The following FCRL2 variants were observed in gnomAD, a reference collection of about 807,000 sequenced individuals.
The protein encoded by FCRL2 is Fc receptor like 2.
Under a neutral mutation model 59.8 loss-of-function variants are expected in FCRL2, and 48 were observed. The observed-to-expected ratio is 0.80, with a 90% CI of 0.64 to 1.02. The LOEUF is 1.02. Among genes scored for constraint, FCRL2 ranks in the 50% least tolerant of loss-of-function variants. The probability of loss-of-function intolerance (pLI) is 0.00; values close to 1 mark genes in which losing one functional copy is unlikely to be tolerated. For missense variants in FCRL2, 658 were observed against 597.3 expected, an observed-to-expected ratio of 1.10 and a Z score of -1.06; for synonymous variants, 251 against 229.5, an observed-to-expected ratio of 1.09 and a Z score of -0.85.
chr1:157,770,646 G>T lies in FCRL2; in HGVS notation c.73C>A (p.Pro25Thr). 6.2e-7 allele frequency: 1 copy of T among 1,614,182 alleles called. No individual in the cohort carries two copies. Among genetic ancestry groups the T allele is most frequent in the Non-Finnish European group, 8.5e-7 (1 of 1,180,020 alleles). Reference sequence around the variant, plus strand: ...CTGTCTCCTTCGAAGACAGAAGAGGGCGCCACAAGGGTCAGCGAATCTGGA... The same window carrying T: ...CTGTCTCCTTCGAAGACAGAAGAGGTCGCCACAAGGGTCAGCGAATCTGGA... The part of the protein sequence containing the change: ...EQADSLTLVA[P>T]SSVFEGDSIV... The change falls in exon 3 of 12, where the codon CCC becomes ACC. Residue 25 changes from proline (P) to threonine (T), a missense_variant. By Grantham distance (38) the Pro-to-Thr change is conservative. Coordinates refer to ENST00000361516, the MANE Select transcript of FCRL2 (RefSeq NM_030764.4).
In FCRL2 at chr1:157,770,592, T is replaced by G. The variant is rs1222855214; in HGVS notation, c.127A>C (p.Asn43His). ...TAAGCCATCTTCTGAATTTTCCAGT[T>G]CTGTTCTCCCTGGCATTTCAGAACG... ...SIVLKCQGEQ[N>H]WKIQKMAYHK... Residue 43 changes from asparagine to histidine, a missense_variant, in exon 3 of 12, where the codon AAC (asparagine) becomes CAC (histidine). By Grantham distance (68) the Asn-to-His change is moderately conservative. Transcript: ENST00000361516. The G allele has an allele frequency of 6.2e-7, 1 of 1,614,154 alleles. No homozygotes were observed. The highest frequency in any genetic ancestry group is 1.7e-5 in the Admixed American group (1 of 60,026).
intron 2 of FCRL2, among the ~76,000 whole-genome samples, chr1:157,771,275 G>A (rs773104181): frequency 6.6e-6 from 1 of 151,952 alleles, no homozygotes; most frequent in Non-Finnish European, 1.5e-5. Flanking sequence ...CTTCTCCATC[G>A]GTGACACCAC....
At chr1:157,766,713 C>T (rs1000764219) in intron 7 of FCRL2, 142 bp downstream of exon 7, 2 of 1,375,296 alleles carry the variant, frequency 1.5e-6, no homozygotes, top group African/African-American at 2.9e-5. Flanking sequence ...TTGCACAGAG[C>T]CTTGCAGAAT....
rs770839648 is a variant in FCRL2, at chr1:157,770,670, G to C, written c.53-4C>G. 6.2e-7 allele frequency: 1 copy of C among 1,613,862 alleles called. No individual in the cohort carries two copies. Among genetic ancestry groups the C allele is most frequent in the Non-Finnish European group, 8.5e-7 (1 of 1,179,870 alleles). ...GGCGCCACAAGGGTCAGCGAATCTG[G>C]AAGAGAAGGAGGGAAACCGGATTTG... On this transcript the variant is annotated splice_region_variant and splice_polypyrimidine_tract_variant and intron_variant, in intron 2 of 11. Transcript: ENST00000361516.
rs563461065 is a variant in FCRL2 at position 157,768,130 on chromosome 1, C to G, written c.883+284G>C. On this transcript the variant is annotated intron_variant, in intron 5 of 11. Transcript: ENST00000361516. Reference sequence around the variant, plus strand: ...ATGAACCTTTTAGATCCATGACACTCCCTGGCCCAGAGCCCAAAGGTTTCA... The same window carrying G: ...ATGAACCTTTTAGATCCATGACACTGCCTGGCCCAGAGCCCAAAGGTTTCA... The G allele has an allele frequency of 5.0e-5, 18 of 360,896 alleles. No homozygotes were observed. In the South Asian group the frequency reaches 7.8e-4, roughly 16 times the overall value. The allele number at this position is 360,896 out of a possible 1,614,324, so 22.4% of individuals were successfully genotyped here.
chr1:157,750,911 A>C (rs188119551), intron 7 of FCRL2, among the ~76,000 whole-genome samples: 1 of 152,350 alleles, frequency 6.6e-6, no homozygotes, highest in East Asian at 1.9e-4. Flanking sequence ...TTCACAAAGA[A>C]AACCTCCAAA....
chr1:157,760,626 AAAAG>A (rs1043411026), intron 7 of FCRL2, among the ~76,000 whole-genome samples: 3 of 150,528 alleles, frequency 2.0e-5, no homozygotes, highest in African/African-American at 4.9e-5. Flanking sequence ...GACTTTGTCA[AAAAG>A]AAAGAAAGAA....
In FCRL2 at chr1:157,766,700, G is replaced by A. The variant is rs1649520590; in HGVS notation, c.1279+155C>T. ...ATAATTAGCAGTATGACCACATTGA[G>A]CATTGCACAGAGCCTTGCAGAATTA... On this transcript the variant is annotated intron_variant, in intron 7 of 11. Transcript: ENST00000361516. 6 of 1,206,802 alleles carry A rather than the reference G, an allele frequency of 5.0e-6. No individual in the cohort carries two copies. The South Asian group carries it at 9.7e-5, about 20-fold the overall frequency. 74.8% of individuals were successfully genotyped at this position (1,206,802 alleles called of 1,614,324 possible). A position where few individuals can be genotyped will look rare whatever the true frequency, so the allele number is the denominator to read the frequency against.
chr1:157,768,361 T>C (rs1449110225), intron 5 of FCRL2, 53 bp downstream of exon 5: 2 of 1,572,652 alleles, frequency 1.3e-6, no homozygotes, highest in Non-Finnish European at 1.7e-6. Flanking sequence ...CACATGTGTA[T>C]CATGACCTTG....
Position 157,766,850 on chromosome 1 carries a change from A to G in FCRL2, c.1279+5T>C. The G allele has an allele frequency of 6.2e-7, 1 of 1,614,212 alleles. No homozygotes were observed. Among genetic ancestry groups the G allele is most frequent in the East Asian group, 2.2e-5 (1 of 44,878 alleles). The stretch of plus-strand genomic sequence containing the variant: ...AATATGGAGAATCCAAATGGTAGAT[A>G]CAACCTGATATCTTGTGGAACAAGG... On this transcript the variant is annotated splice_donor_5th_base_variant and intron_variant, in intron 7 of 11. Transcript: ENST00000361516.
At chr1:157,748,786 G>A (rs1280404528) in intron 9 of FCRL2, 89 bp downstream of exon 9, 1 of 1,312,282 alleles carries the variant, frequency 7.6e-7, no homozygotes, top group Non-Finnish European at 1.1e-6. Flanking sequence ...GTGTTGGGGT[G>A]TCTACACCAC....
In FCRL2 at chr1:157,751,842, G is replaced by T. The variant is rs180743752; in HGVS notation, c.1280-2165C>A. ...GGTAGGTAATGTTAATAGTTGGGGGGCTCTGGAGAATCCAGAAACACACCC... is the reference window on the plus strand; with the variant it reads ...GGTAGGTAATGTTAATAGTTGGGGGTCTCTGGAGAATCCAGAAACACACCC... On this transcript the variant is annotated intron_variant, in intron 7 of 11. Transcript: ENST00000361516. 4.8e-4 allele frequency among the ~76,000 whole-genome samples: 73 copies of T among 152,302 alleles called. 1 individual carries two copies. The highest frequency in any genetic ancestry group is 3.4e-3 in the Middle Eastern group (1 of 292).
chr1:157,751,699 T>C (rs1449077096), intron 7 of FCRL2, among the ~76,000 whole-genome samples: 2 of 152,138 alleles, frequency 1.3e-5, no homozygotes. Flanking sequence ...TGAAGAGGTA[T>C]AGGGTTCCAA....
intron 10 of FCRL2, among the ~76,000 whole-genome samples, chr1:157,747,596 C>A (rs562948529): frequency 6.6e-6 from 1 of 152,316 alleles, no homozygotes; most frequent in African/African-American, 2.4e-5. Context: ...AGCTAGATGA[C>A]CACTGACCAG....
chr1:157,762,400 C>T (rs145064488), intron 7 of FCRL2, among the ~76,000 whole-genome samples: 2,091 of 152,278 alleles, frequency 0.014, 20 homozygotes, highest in Admixed American at 0.022. Flanking sequence ...ATAGCCACTT[C>T]GGGTATGTGA....
intron 7 of FCRL2, among the ~76,000 whole-genome samples, chr1:157,758,500 T>A (rs1648766835): frequency 6.6e-6 from 1 of 152,056 alleles, no homozygotes; most frequent in Admixed American, 6.5e-5. Flanking sequence ...TGAAAAAATA[T>A]TCCATGCTCA....
intron 7 of FCRL2, among the ~76,000 whole-genome samples, chr1:157,759,921 G>T (rs1648892563): frequency 6.6e-6 from 1 of 152,096 alleles, no homozygotes. Flanking sequence ...CTACCATTTG[G>T]CCAAGCAATT....
chr1:157,761,118 G>A (rs948489107), intron 7 of FCRL2, among the ~76,000 whole-genome samples: 2 of 152,192 alleles, frequency 1.3e-5, no homozygotes, highest in African/African-American at 4.8e-5. Context: ...CCCCATGTTT[G>A]TCCTGTATCT....
intron 7 of FCRL2, among the ~76,000 whole-genome samples, chr1:157,759,139 G>A (rs958962287): frequency 1.3e-5 from 2 of 152,068 alleles, no homozygotes; most frequent in African/African-American, 4.8e-5. Context: ...AGATCTGATG[G>A]TTTTTTTCCC....
Sources: gnomAD v4.1 joint callset for allele counts (sites outside exome capture counted in the v4.1 genomes callset) on GRCh38, gnomAD v4.1.1 for gene constraint, MANE v1.5 for transcripts, NCBI Gene and HGNC (gene_info 2026-07-23, HGNC 2026-07-21) for gene names.